Variants in KMT2D observed in about 807,000 individuals in gnomAD.
KMT2D encodes histone-lysine N-methyltransferase 2D.
Under a neutral mutation model 512.7 loss-of-function variants are expected in KMT2D, and 55 were observed. That is an observed-to-expected ratio of 0.11 (90% CI 0.09 to 0.13). The LOEUF (loss-of-function observed/expected upper bound fraction) is 0.13. Among genes scored for constraint, KMT2D ranks in the 10% least tolerant of loss-of-function variants. The pLI is 1.00. For missense variants in KMT2D, 6,061 were observed against 7,127.9 expected (o/e 0.85, Z 5.39); for synonymous variants, 2,995 against 2,904.0 (o/e 1.03, Z -1.01).
rs1018486195 is a variant in KMT2D, at chr12:49,021,514, A to G, written c.*266T>C. The G allele has an allele frequency of 7.8e-6, 4 of 514,338 alleles. No homozygotes were observed. The highest frequency in any genetic ancestry group is 5.7e-5 in the South Asian group (2 of 35,096). 31.9% of individuals were successfully genotyped at this position (514,338 alleles called of 1,614,324 possible). A position where few individuals can be genotyped will look rare whatever the true frequency, so the allele number is the denominator to read the frequency against. On this transcript the variant is annotated 3_prime_UTR_variant, in exon 55 of 55. Transcript: ENST00000301067. ...ATCCCCCTCAAACCTGAGATGCCCA[A>G]TGGCTGCTTCTGTCTGGCCCCTCCT...
intron 49 of KMT2D, among the ~76,000 whole-genome samples, chr12:49,025,828 A>G (rs1434372890): frequency 6.6e-6 from 1 of 152,208 alleles, no homozygotes; most frequent in Non-Finnish European, 1.5e-5. Context: ...AAATCAAAAT[A>G]ATTCTGATTT....
In KMT2D at chr12:49,041,440, T is replaced by C. The variant is rs909590599; in HGVS notation, c.6330A>G (p.Pro2110=). ...CGGGGGGCGGGCTGCCCAGTGCCCC[T>C]GGCTGCGGGGGAATGCGGAGATGTA... ...PALHLRIPPQ[P]GALGSPPPAA... is the part of the protein sequence containing the mutation. The change falls in exon 32 of 55, where the codon CCA becomes CCG. Residue 2110 remains proline, a synonymous_variant. Coordinates refer to ENST00000301067, the MANE Select transcript of KMT2D (RefSeq NM_003482.4). The surrounding 1 kb of genome is among the most constrained non-coding windows in gnomAD (Gnocchi z 5.4). The C allele has an allele frequency of 2.5e-6, 4 of 1,611,738 alleles. No individual in the cohort carries two copies. The highest frequency in any genetic ancestry group is 1.3e-5 in the African/African-American group (1 of 74,826).
intron 43 of KMT2D, 116 bp downstream of exon 43, chr12:49,030,164 T>TA: frequency 1.2e-6 from 1 of 843,760 alleles, no homozygotes; most frequent in Non-Finnish European, 1.8e-6. Context: ...GGTGCCCTGT[T>TA]ATGTAAACAC....
At chr12:49,048,407 A>C (rs1002651855) in intron 14 of KMT2D, among the ~76,000 whole-genome samples, 2 of 152,262 alleles carry the variant, frequency 1.3e-5, no homozygotes, top group African/African-American at 4.8e-5. Context: ...TAAGTTCCCT[A>C]AGCTATAAAG....
rs759510649 is a variant in KMT2D at position 49,049,889 on chromosome 12, C to A, written c.3699G>T (p.Glu1233Asp). The change falls in exon 12 of 55, where the codon GAG becomes GAT. Residue 1233 changes from glutamate to aspartate, a missense_variant. Coordinates refer to ENST00000301067, the MANE Select transcript of KMT2D (RefSeq NM_003482.4). ...ACTCCATGGACAGGGAGCCACCCCC[C>A]TCCGGGTCTGGAGAGCCCAGGAGGG... is the stretch of plus-strand genomic sequence containing the variant. ...SEPLLGSPDP[E>D]GGGSLSMELG... The A allele has an allele frequency of 6.2e-6, 10 of 1,613,928 alleles. No individual in the cohort carries two copies. In the Admixed American group the frequency reaches 1.2e-4, roughly 19 times the overall value.
rs917419349 is a variant in KMT2D at position 49,030,957 on chromosome 12, C to T, written c.13607G>A (p.Arg4536Gln). ...QKASDRLVSS[R>Q]KKLRKEDGVR... ...CCCGTCCTCCTTCCGCAGCTTCTTT[C>T]GGGAGCTCACCAACCTGTCGCTTGC... Residue 4536 changes from arginine (R) to glutamine (Q), a missense_variant, in exon 41 of 55, where the codon CGA (arginine) becomes CAA (glutamine). Transcript: ENST00000301067. 2.5e-6 allele frequency: 4 copies of T among 1,613,956 alleles called. No homozygotes were observed. The highest frequency in any genetic ancestry group is 2.5e-6 in the Non-Finnish European group (3 of 1,179,866).
Position 49,037,164 on chromosome 12 carries a change from T to G in KMT2D, c.10192A>C (p.Met3398Leu), listed in dbSNP as rs75937132. ...SMCMKPQQLA[M>L]QQQLANSFFP... ...AAGCTGTTTGCCAGCTGCTGCTGCA[T>G]TGCCAATTGCTGCGGCTTCATGCAC... The change falls in exon 35 of 55, where the codon ATG (methionine) becomes CTG (leucine). Residue 3398 changes from methionine to leucine, a missense_variant. By Grantham distance (15) the Met-to-Leu change is conservative. Coordinates refer to ENST00000301067, the MANE Select transcript of KMT2D (RefSeq NM_003482.4). The G allele has an allele frequency of 6.3e-6, 10 of 1,592,044 alleles. No individual in the cohort carries two copies. Among genetic ancestry groups the G allele is most frequent in the African/African-American group, 1.3e-5 (1 of 74,578 alleles).
chr12:49,031,801 G>C lies in KMT2D; in HGVS notation c.12904C>G (p.Leu4302Val), dbSNP rs1942928217. ...PPGALSTGPV[L>V]GPVHPTPPPS... The stretch of plus-strand genomic sequence containing the variant: ...GGAGGTGTGGGATGGACAGGGCCAA[G>C]GACTGGTCCTGTAGATAAGGCTCCT... Residue 4302 changes from leucine to valine, a missense_variant, in exon 40 of 55, where the codon CTT becomes GTT. Coordinates refer to ENST00000301067, the MANE Select transcript of KMT2D (RefSeq NM_003482.4). 4.4e-6 allele frequency: 7 copies of C among 1,596,630 alleles called. No individual in the cohort carries two copies. The highest frequency in any genetic ancestry group is 5.1e-6 in the Non-Finnish European group (6 of 1,170,468).
Position 49,052,357 on chromosome 12 carries a change from G to A in KMT2D, c.1326C>T (p.Pro442=), listed in dbSNP as rs1555197710. ...APLNEEMPLL[P]PPEESPLSPP... Reference sequence around the variant, plus strand: ...GGGACAGGGGTGACTCCTCAGGTGGGGGCAGCAGTGGCATCTCCTCGTTTA... The same window carrying A: ...GGGACAGGGGTGACTCCTCAGGTGGAGGCAGCAGTGGCATCTCCTCGTTTA... Residue 442 remains proline, a synonymous_variant, in exon 11 of 55, where the codon CCC becomes CCT. Coordinates refer to ENST00000301067, the MANE Select transcript of KMT2D (RefSeq NM_003482.4). 1 of 1,546,864 alleles carries A rather than the reference G, an allele frequency of 6.5e-7. No homozygotes were observed. Among genetic ancestry groups the A allele is most frequent in the Admixed American group, 1.9e-5 (1 of 52,386 alleles).
Position 49,060,184 on chromosome 12 carries a change from T to C in KMT2D, c.-609A>G, listed in dbSNP as rs1409306161. On this transcript the variant is annotated 5_prime_UTR_variant, in exon 1 of 55. Transcript: ENST00000301067. ...CGCGGGGCCGGCGGGGCCGCGGGGC[T>C]GAACCTGACACACACCCAGCGCCGG... Among the ~76,000 whole-genome samples the C allele has an allele frequency of 2.0e-5, 3 of 151,386 alleles. No homozygotes were observed. Among genetic ancestry groups the C allele is most frequent in the Non-Finnish European group, 4.4e-5 (3 of 67,748 alleles).
rs563981206 is a variant in KMT2D, at chr12:49,041,333, G to C, written c.6437C>G (p.Pro2146Arg). 1 of 1,543,448 alleles carries C rather than the reference G, an allele frequency of 6.5e-7. No individual in the cohort carries two copies. The change falls in exon 32 of 55, where the codon CCG (proline) becomes CGG (arginine). Residue 2146 changes from proline (P) to arginine (R), a missense_variant. This residue lies in a region of KMT2D where 710 missense variants were observed against 647.3 expected (regional missense o/e 1.10). Coordinates refer to ENST00000301067, the MANE Select transcript of KMT2D (RefSeq NM_003482.4). This position sits in a 1 kb window ranked among gnomAD's most constrained non-coding sequence, Gnocchi z 5.4. ...STSADGFLKP[P>R]AGSVPGPDSP... ...GTCAGGGCCAGGCACCGAGCCCGCC[G>C]GCGGCTTCAGGAACCCGTCCGCAGA...
At chr12:49,059,480 C>T (rs1054763966) in intron 1 of KMT2D, 133 bp downstream of exon 1, 1 of 152,528 alleles carries the variant, frequency 6.6e-6, no homozygotes, top group African/African-American at 2.4e-5. Flanking sequence ...CTTGACAGAC[C>T]CTGCCAAAGG....
In KMT2D at chr12:49,032,825, T is replaced by A. The variant is rs1236146257; in HGVS notation, c.11880A>T (p.Gln3960His). ...GCTGTTGAAACTGCTGCTGTTGTTGTTGCTGTTGCTGTTGTAGCTGCTGTT... is the reference window on the plus strand; with the variant it reads ...GCTGTTGAAACTGCTGCTGTTGTTGATGCTGTTGCTGTTGTAGCTGCTGTT... The part of the protein sequence containing the change: ...QQQQQLQQQQ[Q>H]QQQQQFQQQQ... Residue 3960 changes from glutamine to histidine, a missense_variant, in exon 40 of 55, where the codon CAA becomes CAT. Transcript: ENST00000301067. The A allele has an allele frequency of 6.4e-7, 1 of 1,550,678 alleles. No individual in the cohort carries two copies. The highest frequency in any genetic ancestry group is 8.7e-7 in the Non-Finnish European group (1 of 1,146,950).
Position 49,050,241 on chromosome 12 carries a change from G to C in KMT2D, c.3347C>G (p.Ser1116Cys), listed in dbSNP as rs1428276369. The C allele has an allele frequency of 6.2e-7, 1 of 1,613,376 alleles. No homozygotes were observed. The highest frequency in any genetic ancestry group is 1.7e-5 in the Admixed American group (1 of 59,932). Residue 1116 changes from serine to cysteine, a missense_variant, in exon 12 of 55, where the codon TCT becomes TGT. Ser to Cys is a moderately radical substitution (Grantham distance 112). Coordinates refer to ENST00000301067, the MANE Select transcript of KMT2D (RefSeq NM_003482.4). The stretch of plus-strand genomic sequence containing the variant: ...AGGGGCTGTGTCTTCCCCTAGGCCA[G>C]AGAAGTCATCCAGGGCTGGGGCAGG... The part of the protein sequence containing the change: ...PSPAPALDDF[S>C]GLGEDTAPLD...
In KMT2D at chr12:49,046,614, G is replaced by A. The variant is rs747889445; in HGVS notation, c.4413C>T (p.Cys1471=). The A allele has an allele frequency of 6.2e-7, 1 of 1,611,162 alleles. No individual in the cohort carries two copies. Among genetic ancestry groups the A allele is most frequent in the Non-Finnish European group, 8.5e-7 (1 of 1,177,960 alleles). Reference sequence around the variant, plus strand: ...GAAGATCCCAGTCTCCTTACCACTTGCACTTCCAGCCGCCCTTGGGGACGG... The same window carrying A: ...GAAGATCCCAGTCTCCTTACCACTTACACTTCCAGCCGCCCTTGGGGACGG... ...LLTVPKGGWK[C]KWCVSCMQCG... is the part of the protein sequence containing the mutation. Residue 1471 remains cysteine, a synonymous_variant, in exon 16 of 55, where the codon TGC becomes TGT. Coordinates refer to ENST00000301067, the MANE Select transcript of KMT2D (RefSeq NM_003482.4). The surrounding 1 kb of genome is among the most constrained non-coding windows in gnomAD (Gnocchi z 4.2).
chr12:49,046,891 G>T lies in KMT2D; in HGVS notation c.4237-101C>A. On this transcript the variant is annotated intron_variant, in intron 15 of 54. Coordinates refer to ENST00000301067, the MANE Select transcript of KMT2D (RefSeq NM_003482.4). The surrounding 1 kb of genome is among the most constrained non-coding windows in gnomAD (Gnocchi z 4.2). ...ATGGAGTTTTGCTCTTGTTCCCCAG[G>T]CTGGAGTGCAATGGCGCGATCTCGG... The T allele has an allele frequency of 8.9e-7, 1 of 1,119,076 alleles. No homozygotes were observed. The highest frequency in any genetic ancestry group is 1.3e-6 in the Non-Finnish European group (1 of 791,926). 69.3% of individuals were successfully genotyped at this position (1,119,076 alleles called of 1,614,324 possible).
chr12:49,042,557 C>T lies in KMT2D; in HGVS notation c.5867+4G>A, dbSNP rs2120556452. On this transcript the variant is annotated splice_donor_region_variant and intron_variant, in intron 28 of 54. Transcript: ENST00000301067. The surrounding 1 kb of genome is among the most constrained non-coding windows in gnomAD (Gnocchi z 4.4). ...GCCCACAAAGGTTACGCAGAGACAC[C>T]AACCTAGAATCCAGGAACGGGGACT... 1.2e-6 allele frequency: 2 copies of T among 1,613,512 alleles called. No homozygotes were observed. Among genetic ancestry groups the T allele is most frequent in the Non-Finnish European group, 1.7e-6 (2 of 1,179,612 alleles).
Position 49,026,212 on chromosome 12 carries a change from C to T in KMT2D, c.15754G>A (p.Asp5252Asn), listed in dbSNP as rs2137714765. ...VIKVIEQGLEDLVFTDASPQA... is the reference protein window; with the variant it reads ...VIKVIEQGLENLVFTDASPQA... ...GGAGAGGCGTCAGTGAAGACCAGGT[C>T]CTCCAGGCCCTGCTCGATGACTTTG... is the stretch of plus-strand genomic sequence containing the variant. Residue 5252 changes from aspartate to asparagine, a missense_variant, in exon 49 of 55, where the codon GAC (aspartate) becomes AAC (asparagine). By Grantham distance (23) the Asp-to-Asn change is conservative (BLOSUM62 1). Transcript: ENST00000301067. This position sits in a 1 kb window ranked among gnomAD's most constrained non-coding sequence, Gnocchi z 9.6. 1 of 1,593,284 alleles carries T rather than the reference C, an allele frequency of 6.3e-7. No individual in the cohort carries two copies. Among genetic ancestry groups the T allele is most frequent in the Non-Finnish European group, 8.6e-7 (1 of 1,164,184 alleles).
At position 49,044,666 on chromosome 12, in the gene KMT2D, T is replaced by C. The variant is rs1001988157; in HGVS notation, c.4963+78A>G. The C allele has an allele frequency of 1.9e-6, 3 of 1,549,466 alleles. No homozygotes were observed. The highest frequency in any genetic ancestry group is 1.2e-5 in the South Asian group (1 of 86,386). ...GTGCTTAAGGGTAACTGAGTGGCAA[T>C]GTAGCCCCCACCCAACATCCCACTC... On this transcript the variant is annotated intron_variant, in intron 20 of 54. Coordinates refer to ENST00000301067, the MANE Select transcript of KMT2D (RefSeq NM_003482.4). The surrounding 1 kb of genome is among the most constrained non-coding windows in gnomAD (Gnocchi z 6.4).
Sources: gnomAD v4.1 joint callset for allele counts (sites outside exome capture counted in the v4.1 genomes callset) on GRCh38, gnomAD v4.1.1 for gene constraint, gnomAD v4.1.1 regional missense constraint, Gnocchi (gnomAD v3.1) non-coding constraint, MANE v1.5 for transcripts, NCBI Gene and HGNC (gene_info 2026-07-23, HGNC 2026-07-21) for gene names.